ZCCHC14: variants seen among roughly 807,000 people sequenced by gnomAD.
ZCCHC14 encodes the protein zinc finger CCHC-type containing 14, also known as zinc finger CCHC domain-containing protein 14.
In ZCCHC14, 16 loss-of-function variants were observed where a neutral mutation model predicts 85.0. The observed-to-expected ratio is 0.19, with a 90% CI of 0.13 to 0.29. The LOEUF (loss-of-function observed/expected upper bound fraction) is 0.29. Among genes scored for constraint, ZCCHC14 ranks in the 10% least tolerant of loss-of-function variants. ZCCHC14 has a pLI of 1.00. For synonymous variants in ZCCHC14, 775 were observed against 630.7 expected, an observed-to-expected ratio of 1.23 and a Z score of -3.43; for missense variants, 1,303 against 1,443.5, an observed-to-expected ratio of 0.90 and a Z score of 1.58.
At chr16:87,417,381 T>C in intron 8 of ZCCHC14, 79 bp downstream of exon 8, 4 of 1,554,006 alleles carry the variant, frequency 2.6e-6, no homozygotes, top group East Asian at 2.3e-5. Context: ...TTGTGTTGGT[T>C]TGGAAACTCA....
intron 2 of ZCCHC14, among the ~76,000 whole-genome samples, chr16:87,434,313 C>T (rs1309294369): frequency 1.3e-5 from 2 of 152,250 alleles, no homozygotes; most frequent in African/African-American, 4.8e-5. Context: ...GCCTGCCCCG[C>T]TGATCCAGCG....
intron 1 of ZCCHC14, among the ~76,000 whole-genome samples, chr16:87,487,838 T>A (rs559508933): frequency 1.3e-4 from 19 of 151,986 alleles, no homozygotes; most frequent in African/African-American, 4.1e-4. Context: ...ACCCACAGCA[T>A]GGACGGGCCC....
Position 87,433,269 on chromosome 16 carries a change from T to G in ZCCHC14, c.695-68A>C, listed in dbSNP as rs189135807. Reference sequence around the variant, plus strand: ...AAGTATATACATGATTATTTAGCATTTGATATTCAGCAGTTTTCAAAACCA... The same window carrying G: ...AAGTATATACATGATTATTTAGCATGTGATATTCAGCAGTTTTCAAAACCA... On this transcript the variant is annotated intron_variant, in intron 2 of 12. Coordinates refer to ENST00000671377, the MANE Select transcript of ZCCHC14 (RefSeq NM_015144.3). The G allele has an allele frequency of 7.5e-6, 11 of 1,470,558 alleles. No homozygotes were observed. In the Admixed American group the frequency reaches 9.2e-5, roughly 12 times the overall value. 91.1% of individuals were successfully genotyped at this position (1,470,558 alleles called of 1,614,324 possible).
In ZCCHC14 at chr16:87,491,029, G is replaced by A. The variant is rs1912733308; in HGVS notation, c.570+640C>T. Reference sequence around the variant, plus strand: ...ACCGGCGGCTTCTGGCGTGGCCACGGCTCCTTCCTTTTCTGGTAATAAATA... The same window carrying A: ...ACCGGCGGCTTCTGGCGTGGCCACGACTCCTTCCTTTTCTGGTAATAAATA... On this transcript the variant is annotated intron_variant, in intron 1 of 12. Transcript: ENST00000671377. The surrounding 1 kb of genome is among the most constrained non-coding windows in gnomAD (Gnocchi z 5.9). Among the ~76,000 whole-genome samples, 1 of 152,244 alleles carries A rather than the reference G, an allele frequency of 6.6e-6. No homozygotes were observed. The highest frequency in any genetic ancestry group is 2.1e-4 in the South Asian group (1 of 4,836).
At position 87,417,673 on chromosome 16, in the gene ZCCHC14, G is replaced by A. The variant is rs145026219; in HGVS notation, c.1170C>T (p.Ala390=). 3.8e-4 allele frequency: 620 copies of A among 1,611,342 alleles called. 2 individuals carry two copies. The East Asian group carries it at 0.012, about 31-fold the overall frequency. Residue 390 remains alanine (A), a synonymous_variant, in exon 8 of 13, where the codon GCC becomes GCT. Transcript: ENST00000671377. ...SGAQHHGQHP[A]GSAAPLPHCS... ...AGTGAGGCAAGGGGGCGGCGGAGCCGGCCGGGTGCTGCCCGTGGTGCTGGG... is the reference window on the plus strand; with the variant it reads ...AGTGAGGCAAGGGGGCGGCGGAGCCAGCCGGGTGCTGCCCGTGGTGCTGGG...
intron 1 of ZCCHC14, chr16:87,467,660 TTTTTC>T (rs1397934861): frequency 9.8e-6 from 9 of 920,282 alleles, no homozygotes; most frequent in East Asian, 2.4e-5. Flanking sequence ...GAACGGTTTC[TTTTTC>T]TTTTGAGATG....
Position 87,420,568 on chromosome 16 carries a change from C to A in ZCCHC14, c.950+39G>T, listed in dbSNP as rs370709105. 4 of 1,543,970 alleles carry A rather than the reference C, an allele frequency of 2.6e-6. No homozygotes were observed. The highest frequency in any genetic ancestry group is 3.5e-6 in the Non-Finnish European group (4 of 1,131,524). ...TGACCACAGGACCAGCCTGTCCTTG[C>A]CAGCTGTGGACGCGCCGGGTGCCTG... On this transcript the variant is annotated intron_variant, in intron 5 of 12. Transcript: ENST00000671377. This position sits in a 1 kb window ranked among gnomAD's most constrained non-coding sequence, Gnocchi z 5.0.
intron 1 of ZCCHC14, among the ~76,000 whole-genome samples, chr16:87,469,786 C>T (rs1002867393): frequency 9.2e-5 from 14 of 152,168 alleles, no homozygotes; most frequent in Non-Finnish European, 1.8e-4. Context: ...CCTGTGTCTA[C>T]AGCATCTGCT....
At chr16:87,427,767 A>G (rs1043069239) in intron 3 of ZCCHC14, among the ~76,000 whole-genome samples, 22 of 151,580 alleles carry the variant, frequency 1.5e-4, no homozygotes, top group African/African-American at 5.1e-4. Flanking sequence ...CCTCCTCAGT[A>G]GCTGGGAATA....
intron 2 of ZCCHC14, among the ~76,000 whole-genome samples, chr16:87,455,041 C>G (rs1438060854): frequency 6.6e-6 from 1 of 152,256 alleles, no homozygotes; most frequent in Non-Finnish European, 1.5e-5. Flanking sequence ...GTAATCCCAG[C>G]ACTGTGGGAG....
chr16:87,411,901 A>T lies in ZCCHC14; in HGVS notation c.2820T>A (p.Thr940=). The change falls in exon 12 of 13, where the codon ACT becomes ACA. Residue 940 remains threonine, a synonymous_variant. Coordinates refer to ENST00000671377, the MANE Select transcript of ZCCHC14 (RefSeq NM_015144.3). ...CSGSCGSSGL[T]VSYANYFQHP... Reference sequence around the variant, plus strand: ...GCTGGAAGTAGTTGGCGTAGCTGACAGTCAGGCCACTCGAGCCGCAGCTGC... The same window carrying T: ...GCTGGAAGTAGTTGGCGTAGCTGACTGTCAGGCCACTCGAGCCGCAGCTGC... The T allele has an allele frequency of 6.3e-7, 1 of 1,594,658 alleles. No individual in the cohort carries two copies. Among genetic ancestry groups the T allele is most frequent in the Non-Finnish European group, 8.5e-7 (1 of 1,172,128 alleles).
chr16:87,411,414 ATT>A (rs751390813), intron 12 of ZCCHC14, 100 bp downstream of exon 12: 223 of 1,536,288 alleles, frequency 1.5e-4, no homozygotes, highest in Non-Finnish European at 1.9e-4. Flanking sequence ...TCGAAAAATT[ATT>A]TGCTTTACAA....
intron 2 of ZCCHC14, among the ~76,000 whole-genome samples, chr16:87,434,858 G>A (rs1299705766): frequency 6.6e-6 from 1 of 152,046 alleles, no homozygotes; most frequent in African/African-American, 2.4e-5. Context: ...GGGTGTAGTG[G>A]CGGACACCTG....
intron 2 of ZCCHC14, among the ~76,000 whole-genome samples, chr16:87,437,236 T>C (rs1909968332): frequency 1.4e-5 from 2 of 146,582 alleles, no homozygotes; most frequent in African/African-American, 5.1e-5. Flanking sequence ...CTTGGGAGGC[T>C]GAGGCAGGAG....
At chr16:87,460,159 A>ATT (rs749363116) in intron 1 of ZCCHC14, 28 bp from the exon 2 acceptor site, 1 of 1,610,132 alleles carries the variant, frequency 6.2e-7, no homozygotes, top group African/African-American at 1.3e-5. Flanking sequence ...GAATCATCTT[A>ATT]TTTTCTCCCA....
intron 1 of ZCCHC14, among the ~76,000 whole-genome samples, chr16:87,488,846 G>A (rs1426070938): frequency 2.6e-5 from 4 of 152,152 alleles, no homozygotes; most frequent in Admixed American, 6.5e-5. Flanking sequence ...CCAAACTTCC[G>A]GGACTACAGG....
At chr16:87,435,221 A>G (rs1446221250) in intron 2 of ZCCHC14, among the ~76,000 whole-genome samples, 1 of 152,152 alleles carries the variant, frequency 6.6e-6, no homozygotes, top group African/African-American at 2.4e-5. Flanking sequence ...GATGGTTCTA[A>G]GCCTGCACTG....
At chr16:87,442,782 T>C (rs59712028) in intron 2 of ZCCHC14, among the ~76,000 whole-genome samples, 2,235 of 152,246 alleles carry the variant, frequency 0.015, 59 homozygotes, top group African/African-American at 0.051. Flanking sequence ...CATTACCTCA[T>C]AGGAGAAAAC....
At chr16:87,487,805 G>C (rs536711423) in intron 1 of ZCCHC14, among the ~76,000 whole-genome samples, 108 of 152,348 alleles carry the variant, frequency 7.1e-4, no homozygotes, top group Non-Finnish European at 1.1e-3. Context: ...ACTCGGCAGC[G>C]AAAGAGGAGG....
Sources: gnomAD v4.1 joint callset for allele counts (sites outside exome capture counted in the v4.1 genomes callset) on GRCh38, gnomAD v4.1.1 for gene constraint, Gnocchi (gnomAD v3.1) non-coding constraint, MANE v1.5 for transcripts, NCBI Gene and HGNC (gene_info 2026-07-23, HGNC 2026-07-21) for gene names.